The following NEBL variants were observed in gnomAD, a reference collection of about 807,000 sequenced individuals.
The protein encoded by NEBL is nebulette.
Under a neutral mutation model 140.2 loss-of-function variants are expected in NEBL, and 122 were observed. The observed-to-expected ratio is 0.87, with a 90% CI of 0.75 to 1.01. The LOEUF is 1.01. NEBL is among the 50% of genes least tolerant of loss of function. The pLI is 0.00. For missense variants in NEBL, 1,365 were observed against 1,231.3 expected, an observed-to-expected ratio of 1.11 and a Z score of -1.62; for synonymous variants, 436 against 398.9, an observed-to-expected ratio of 1.09 and a Z score of -1.11.
intron 3 of NEBL, among the ~76,000 whole-genome samples, chr10:21,195,635 T>C (rs1841636789): frequency 6.6e-6 from 1 of 152,188 alleles, no homozygotes; most frequent in Non-Finnish European, 1.5e-5. Context: ...TCTTCACTGT[T>C]TTTATACCAT....
chr10:21,098,593 C>T (rs1837314096), intron 2 of NEBL, among the ~76,000 whole-genome samples: 1 of 152,180 alleles, frequency 6.6e-6, no homozygotes, highest in African/African-American at 2.4e-5. Context: ...TCAATTCCCT[C>T]TCTTAAAAAT....
At chr10:20,980,698 G>C (rs1837004526) in intron 3 of NEBL, among the ~76,000 whole-genome samples, 1 of 152,130 alleles carries the variant, frequency 6.6e-6, no homozygotes, top group South Asian at 2.1e-4. Flanking sequence ...CCAGGCTCTA[G>C]AAATTGCATC....
At chr10:20,807,608 C>T (rs1837725837) in intron 26 of NEBL, among the ~76,000 whole-genome samples, 1 of 152,186 alleles carries the variant, frequency 6.6e-6, no homozygotes, top group South Asian at 2.1e-4. Context: ...GCAGCTTGGT[C>T]ATTTCCTCAG....
At chr10:21,251,145 G>A (rs1312192365) in intron 2 of NEBL, among the ~76,000 whole-genome samples, 1 of 152,078 alleles carries the variant, frequency 6.6e-6, no homozygotes, top group Non-Finnish European at 1.5e-5. Flanking sequence ...ATTTTACCTT[G>A]ATTACACTGA....
intron 4 of NEBL, among the ~76,000 whole-genome samples, chr10:20,942,248 C>G (rs550483633): frequency 6.6e-6 from 1 of 152,226 alleles, no homozygotes; most frequent in Non-Finnish European, 1.5e-5. Flanking sequence ...GTGATATAGA[C>G]AAATGGAACA....
chr10:21,172,099 G>A (rs1322041127), intron 2 of NEBL: 5 of 436,468 alleles, frequency 1.1e-5, no homozygotes, highest in African/African-American at 2.0e-5. Context: ...TTCTCAGTGG[G>A]GAAGTTCAGC....
chr10:21,069,869 A>G, intron 2 of NEBL: 1 of 399,318 alleles, frequency 2.5e-6, no homozygotes, highest in Non-Finnish European at 5.0e-6. Flanking sequence ...ACAGAAGATT[A>G]AAACAAGTTT....
chr10:20,790,283 T>C (rs1210479653), intron 26 of NEBL, among the ~76,000 whole-genome samples: 2 of 151,884 alleles, frequency 1.3e-5, no homozygotes, highest in Non-Finnish European at 2.9e-5. Flanking sequence ...CTTGGTACAA[T>C]AAAAGAGTTT....
Position 21,205,446 on chromosome 10 carries a change from G to A in NEBL, n.349-32969C>T, listed in dbSNP as rs114326458. Reference sequence around the variant, plus strand: ...CAAGAGAATATTTAAACAAATTACAGTGTATCTTTAGTGGAATACTTTGCA... The same window carrying A: ...CAAGAGAATATTTAAACAAATTACAATGTATCTTTAGTGGAATACTTTGCA... On this transcript the variant is annotated intron_variant and non_coding_transcript_variant, in intron 3 of 8. Coordinates refer to the NEBL transcript ENST00000675702. Among the ~76,000 whole-genome samples, 320 of 152,226 alleles carry A rather than the reference G, an allele frequency of 2.1e-3. 3 individuals are homozygous for A. Among genetic ancestry groups the A allele is most frequent in the Middle Eastern group, 0.014 (4 of 294 alleles).
intron 3 of NEBL, among the ~76,000 whole-genome samples, chr10:21,189,908 C>T (rs1474076429): frequency 6.6e-6 from 1 of 152,204 alleles, no homozygotes; most frequent in Non-Finnish European, 1.5e-5. Flanking sequence ...TTCTGGGCAT[C>T]ACAGCATCTC....
intron 2 of NEBL, among the ~76,000 whole-genome samples, chr10:21,117,183 A>T (rs1322283177): frequency 6.6e-6 from 1 of 151,790 alleles, no homozygotes; most frequent in Non-Finnish European, 1.5e-5. Flanking sequence ...CCACCATGAG[A>T]CCCACCAGGA....
At chr10:20,823,344 A>G in intron 18 of NEBL, 44 bp from the exon 19 acceptor site, 1 of 1,385,220 alleles carries the variant, frequency 7.2e-7, no homozygotes, top group Non-Finnish European at 1.0e-6. Flanking sequence ...ATTCTATGCA[A>G]GGCTTTAAAA....
Position 20,812,850 on chromosome 10 carries a change from T to C in NEBL, c.2437A>G (p.Thr813Ala). The C allele has an allele frequency of 6.2e-7, 1 of 1,613,960 alleles. No individual in the cohort carries two copies. The highest frequency in any genetic ancestry group is 8.5e-7 in the Non-Finnish European group (1 of 1,179,900). The change falls in exon 24 of 28, where the codon ACC becomes GCC. Residue 813 changes from threonine (T) to alanine (A), a missense_variant. Transcript: ENST00000377122. Reference protein sequence around the residue: ...DPVTERVRKNTQVVSDAAYKG... With the variant: ...DPVTERVRKNAQVVSDAAYKG... The stretch of plus-strand genomic sequence containing the variant: ...TAGGCAGCATCGCTGACCACCTGGG[T>C]GTTCTTCCTCACTCTCTCTGTCACA...
At chr10:20,848,826 A>G (rs1415700094) in intron 11 of NEBL, among the ~76,000 whole-genome samples, 1 of 152,212 alleles carries the variant, frequency 6.6e-6, no homozygotes, top group Non-Finnish European at 1.5e-5. Flanking sequence ...CAAAAAATAC[A>G]AGTAATTCTT....
intron 3 of NEBL, among the ~76,000 whole-genome samples, chr10:21,199,747 C>G (rs534598215): frequency 6.6e-6 from 1 of 152,222 alleles, no homozygotes; most frequent in Non-Finnish European, 1.5e-5. Flanking sequence ...CCAGAAGTCA[C>G]TCTTGGCCAG....
In NEBL at chr10:21,169,062, AAAAAAATATATATATAT is replaced by A. The variant is rs1406540457; in HGVS notation, c.164+3304_164+3320del. ...AGACTCCGTCTACAAAAAAAAAAAA[AAAAAAATATATATATAT>A]ATATATATATATATATATATATATA... On this transcript the variant is annotated intron_variant, in intron 2 of 6. Coordinates refer to the NEBL transcript ENST00000417816. Among the ~76,000 whole-genome samples, 51 of 57,638 alleles carry A rather than the reference AAAAAAATATATATATAT, an allele frequency of 8.8e-4. 3 individuals are homozygous for A. The highest frequency in any genetic ancestry group is 3.1e-3 in the African/African-American group (45 of 14,678). The allele number at this position is 57,638 out of a possible 152,430, so 37.8% of individuals were successfully genotyped here. A position where few individuals can be genotyped will look rare whatever the true frequency, so the allele number is the denominator to read the frequency against.
intron 2 of NEBL, among the ~76,000 whole-genome samples, chr10:21,151,344 T>A (rs1051053179): frequency 6.6e-5 from 10 of 152,186 alleles, no homozygotes; most frequent in Non-Finnish European, 1.3e-4. Flanking sequence ...TCAAGGACCA[T>A]GGCTTCATGA....
chr10:20,969,993 C>A (rs2131635456), intron 3 of NEBL, among the ~76,000 whole-genome samples: 1 of 152,224 alleles, frequency 6.6e-6, no homozygotes, highest in East Asian at 1.9e-4. Context: ...AGCTGTGTGA[C>A]CTTAGGCAAG....
intron 4 of NEBL, among the ~76,000 whole-genome samples, chr10:20,881,576 G>C (rs1040171636): frequency 6.6e-6 from 1 of 152,124 alleles, no homozygotes; most frequent in African/African-American, 2.4e-5. Flanking sequence ...CAGCAACCAA[G>C]TTATCCCCTT....
Sources: allele counts gnomAD v4.1 joint callset (sites outside exome capture counted in the v4.1 genomes callset), GRCh38; gene constraint gnomAD v4.1.1; transcripts MANE v1.5; gene names NCBI Gene and HGNC (gene_info 2026-07-23, HGNC 2026-07-21).